The following PPP2R3B variants were observed in gnomAD, a reference collection of about 807,000 sequenced individuals.
The protein encoded by PPP2R3B is serine/threonine-protein phosphatase 2A regulatory subunit B'' subunit beta.
A neutral mutation model predicts 72.9 loss-of-function variants in PPP2R3B; 68 were observed. The ratio of observed to expected loss-of-function variants is 0.93; its 90% CI spans 0.77 to 1.14. The LOEUF (loss-of-function observed/expected upper bound fraction) is 1.14. Ranked by LOEUF, PPP2R3B falls within the 50% of genes most tolerant of loss-of-function variation. The probability of loss-of-function intolerance (pLI) is 0.00; values close to 1 mark genes in which losing one functional copy is unlikely to be tolerated. For synonymous variants in PPP2R3B, 466 were observed against 375.8 expected (o/e 1.24, Z -2.78); for missense variants, 1,018 against 842.0 (o/e 1.21, Z -2.59).
intron 2 of PPP2R3B, chrX:347,918 C>T: frequency 1.9e-6 from 1 of 531,594 alleles, no homozygotes; most frequent in Non-Finnish European, 3.3e-6. Context: ...CGCAGTATCC[C>T]CTGACCACAG....
At position 340,770 on chromosome X, in the gene PPP2R3B, G is replaced by A. The variant is rs868230724; in HGVS notation, c.1346C>T (p.Thr449Ile). The change falls in exon 10 of 13, where the codon ACT (threonine) becomes ATT (isoleucine). Residue 449 changes from threonine (T) to isoleucine (I), a missense_variant. Thr to Ile is a moderately conservative substitution (Grantham distance 89). Coordinates refer to ENST00000390665, the MANE Select transcript of PPP2R3B (RefSeq NM_013239.5). ...CQMLDLVKPR[T>I]EGKITLQDLK... ...ATGCCCTCACGGGGCATCACCTTCA[G>A]TCCTCGGCTTGACCAGGTCCAGCAT... 3.5e-6 allele frequency: 5 copies of A among 1,418,980 alleles called. No individual in the cohort carries two copies. Among genetic ancestry groups the A allele is most frequent in the Middle Eastern group, 2.2e-4 (1 of 4,596 alleles). 87.9% of individuals were successfully genotyped at this position (1,418,980 alleles called of 1,614,324 possible).
chrX:363,393 C>T (rs1345755361), intron 1 of PPP2R3B, among the ~76,000 whole-genome samples: 6 of 147,448 alleles, frequency 4.1e-5, no homozygotes, highest in South Asian at 2.2e-4. Context: ...TGCATCTCCC[C>T]GAGCCCGCAA....
chrX:357,205 T>C (rs2738330), intron 2 of PPP2R3B, among the ~76,000 whole-genome samples: 43,606 of 151,458 alleles, frequency 0.29, 6,734 homozygotes, highest in East Asian at 0.39. Flanking sequence ...AATGATGAGG[T>C]GCAAAAGGAG....
intron 2 of PPP2R3B, among the ~76,000 whole-genome samples, chrX:358,755 TGAGAAC>T (rs1348788842): frequency 6.9e-6 from 1 of 144,786 alleles, no homozygotes; most frequent in African/African-American, 2.6e-5. Context: ...AACGCGCACA[TGAGAAC>T]CAGGCGCCGA....
chrX:341,012 GC>G (rs1344841729), intron 9 of PPP2R3B, 72 bp from the exon 10 acceptor site: 3 of 1,556,038 alleles, frequency 1.9e-6, no homozygotes, highest in Admixed American at 3.5e-5. Context: ...CCCTGAGGCA[GC>G]CCCCACCGGG....
intron 12 of PPP2R3B, chrX:338,093 C>T (rs745669557): frequency 9.6e-5 from 17 of 177,080 alleles, no homozygotes; most frequent in African/African-American, 9.4e-5. Context: ...TGAAAACATA[C>T]GTCACAAACT....
intron 12 of PPP2R3B, 169 bp downstream of exon 12, chrX:338,435 C>A: frequency 2.9e-6 from 2 of 686,438 alleles, no homozygotes; most frequent in South Asian, 3.5e-5. Context: ...GTCCTTACCT[C>A]ACCGGCCCCG....
chrX:385,975 G>A (rs185679194), intron 1 of PPP2R3B, among the ~76,000 whole-genome samples: 2 of 152,092 alleles, frequency 1.3e-5, no homozygotes, highest in African/African-American at 4.8e-5. Context: ...CCAGCTCCTC[G>A]GGAGCCTGAG....
intron 2 of PPP2R3B, among the ~76,000 whole-genome samples, chrX:348,581 A>AAAAAAAAAAAAAAAAAAG (rs111787156): frequency 2.8e-5 from 4 of 144,446 alleles, no homozygotes; most frequent in African/African-American, 7.9e-5. Context: ...GTCTCAAAAA[A>AAAAAAAAAAAAAAAAAAG]AGAGCAAATA....
In PPP2R3B at chrX:338,636, G is replaced by C; in HGVS notation, c.1545C>G (p.Ala515=). ...YAAEEYDILV[A]EETAGEPWED... Reference sequence around the variant, plus strand: ...CCCAGGGCTCTCCCGCAGTCTCCTCGGCCACCAGGATGTCGTACTCCTCGG... The same window carrying C: ...CCCAGGGCTCTCCCGCAGTCTCCTCCGCCACCAGGATGTCGTACTCCTCGG... Residue 515 remains alanine, a synonymous_variant, in exon 12 of 13, where the codon GCC becomes GCG. Coordinates refer to ENST00000390665, the MANE Select transcript of PPP2R3B (RefSeq NM_013239.5). 1.2e-6 allele frequency: 2 copies of C among 1,610,092 alleles called. No individual in the cohort carries two copies. The highest frequency in any genetic ancestry group is 1.1e-5 in the South Asian group (1 of 90,702).
chrX:384,207 G>A lies in PPP2R3B; in HGVS notation c.324+2161C>T, dbSNP rs1281663607. ...GAGATTCAAGAAGTAAATAAAGGATGTTTTTCTTTTTCTCTATTGCTTATC... is the reference window on the plus strand; with the variant it reads ...GAGATTCAAGAAGTAAATAAAGGATATTTTTCTTTTTCTCTATTGCTTATC... On this transcript the variant is annotated intron_variant, in intron 1 of 12. Coordinates refer to ENST00000390665, the MANE Select transcript of PPP2R3B (RefSeq NM_013239.5). Among the ~76,000 whole-genome samples the A allele has an allele frequency of 8.6e-5, 13 of 150,912 alleles. 1 individual carries two copies. The South Asian group carries it at 1.0e-3, about 12-fold the overall frequency.
chrX:352,997 G>C (rs1017386781), intron 2 of PPP2R3B, among the ~76,000 whole-genome samples: 9 of 151,774 alleles, frequency 5.9e-5, no homozygotes, highest in Admixed American at 5.9e-4. Flanking sequence ...GGGCTCTGCT[G>C]GGGGGTGACT....
intron 2 of PPP2R3B, among the ~76,000 whole-genome samples, chrX:356,254 C>T (rs1345574359): frequency 2.0e-5 from 3 of 152,132 alleles, no homozygotes; most frequent in African/African-American, 4.8e-5. Context: ...CTTGCTCAGT[C>T]GCCCAGGCTG....
intron 2 of PPP2R3B, among the ~76,000 whole-genome samples, chrX:353,875 AGGGCTCACCCAAAGACCGG>A (rs1360556101): frequency 3.9e-5 from 3 of 75,960 alleles, no homozygotes; most frequent in East Asian, 5.1e-4. Flanking sequence ...CCCAAAGACC[AGGGCTCACCCAAAGACCGG>A]GGGCTCACCC....
rs142640052 is a variant in PPP2R3B, at chrX:340,877, G to C, written c.1239C>G (p.Leu413=). ...DGDGALSMFE[L]EYFYEEQCRR... ...GGCACTGCTCCTCGTAGAAGTACTCGAGCTCGAACATGGACAGGGCGCCGT... is the reference window on the plus strand; with the variant it reads ...GGCACTGCTCCTCGTAGAAGTACTCCAGCTCGAACATGGACAGGGCGCCGT... The change falls in exon 10 of 13, where the codon CTC becomes CTG. Residue 413 remains leucine, a synonymous_variant. Transcript: ENST00000390665. 2 of 1,611,934 alleles carry C rather than the reference G, an allele frequency of 1.2e-6. No individual in the cohort carries two copies. The highest frequency in any genetic ancestry group is 1.3e-5 in the African/African-American group (1 of 74,894).
chrX:368,938 G>C (rs986883330), intron 1 of PPP2R3B, among the ~76,000 whole-genome samples: 7 of 152,250 alleles, frequency 4.6e-5, no homozygotes, highest in Non-Finnish European at 7.3e-5. Flanking sequence ...ATAGACGAGA[G>C]ATGGAACAAA....
intron 1 of PPP2R3B, chrX:374,144 C>G (rs111602790): frequency 0.39 from 58,180 of 149,460 alleles, 11,483 homozygotes; most frequent in African/African-American, 0.43. Context: ...GGGCGGAACG[C>G]GCATCAACAG....
chrX:352,160 A>G (rs1179042375), intron 2 of PPP2R3B, among the ~76,000 whole-genome samples: 1 of 152,252 alleles, frequency 6.6e-6, no homozygotes, highest in African/African-American at 2.4e-5. Context: ...CAAAAGATAC[A>G]AAGGAAAGCA....
At chrX:367,070 C>T (rs1454683762) in intron 1 of PPP2R3B, among the ~76,000 whole-genome samples, 1 of 128,756 alleles carries the variant, frequency 7.8e-6, no homozygotes, top group Non-Finnish European at 1.6e-5. Context: ...TTTTTAGCCC[C>T]AAATTTACAG....
Sources: allele counts gnomAD v4.1 joint callset (sites outside exome capture counted in the v4.1 genomes callset), GRCh38; gene constraint gnomAD v4.1.1; transcripts MANE v1.5; gene names NCBI Gene and HGNC (gene_info 2026-07-23, HGNC 2026-07-21).